The following CD80 variants were observed in gnomAD, a reference collection of about 807,000 sequenced individuals.
The protein encoded by CD80 is CD80 molecule.
Under a neutral mutation model 27.1 loss-of-function variants are expected in CD80, and 13 were observed. The ratio of observed to expected loss-of-function variants is 0.48; its 90% CI spans 0.31 to 0.76. The LOEUF (loss-of-function observed/expected upper bound fraction) is 0.76. CD80 is among the 30% of genes least tolerant of loss of function. The pLI, the probability that CD80 is intolerant of heterozygous loss-of-function variation, is 0.04. For synonymous variants in CD80, 125 were observed against 125.5 expected, an observed-to-expected ratio of 1.00 and a Z score of 0.03; for missense variants, 277 against 347.9, an observed-to-expected ratio of 0.80 and a Z score of 1.62.
At chr3:119,540,456 GT>G (rs2082161515) in intron 3 of CD80, among the ~76,000 whole-genome samples, 2 of 150,470 alleles carry the variant, frequency 1.3e-5, no homozygotes, top group Admixed American at 1.3e-4. Flanking sequence ...TTTTTTTTTT[GT>G]TTGTTTCAAT....
At chr3:119,550,463 A>T (rs542045963) in intron 2 of CD80, among the ~76,000 whole-genome samples, 16 of 152,358 alleles carry the variant, frequency 1.1e-4, no homozygotes, top group African/African-American at 3.8e-4. Context: ...AACAATTTGG[A>T]AATTCACACG....
At chr3:119,529,390 G>C (rs2107739345) in intron 5 of CD80, among the ~76,000 whole-genome samples, 1 of 152,250 alleles carries the variant, frequency 6.6e-6, no homozygotes, top group South Asian at 2.1e-4. Flanking sequence ...ATCAAAATTA[G>C]AATATCAGCA....
At chr3:119,553,117 T>G (rs1020347088) in intron 2 of CD80, among the ~76,000 whole-genome samples, 28 of 139,420 alleles carry the variant, frequency 2.0e-4, no homozygotes, top group African/African-American at 7.6e-4. Flanking sequence ...ATTTATTTAT[T>G]TATTTATTTA....
chr3:119,543,154 C>T (rs1348966527), intron 3 of CD80, among the ~76,000 whole-genome samples: 7 of 152,188 alleles, frequency 4.6e-5, no homozygotes, highest in Non-Finnish European at 5.9e-5. Context: ...GATAAAACTC[C>T]GGTCTCCCGC....
intron 2 of CD80, among the ~76,000 whole-genome samples, chr3:119,547,386 G>A (rs1033511070): frequency 3.9e-5 from 6 of 152,144 alleles, no homozygotes; most frequent in African/African-American, 1.2e-4. Flanking sequence ...TTTTGATTTC[G>A]TCTTTGGACA....
chr3:119,546,858 G>A (rs928739946), intron 2 of CD80, among the ~76,000 whole-genome samples: 16 of 147,974 alleles, frequency 1.1e-4, no homozygotes, highest in Admixed American at 3.4e-4. Context: ...ACATGTACAC[G>A]CATTCATTTA....
chr3:119,557,407 C>T (rs570725049), intron 2 of CD80, among the ~76,000 whole-genome samples: 1 of 152,228 alleles, frequency 6.6e-6, no homozygotes, highest in East Asian at 1.9e-4. Flanking sequence ...CCTTGAAGGC[C>T]TGGGTTCTTG....
At chr3:119,539,388 AG>A (rs2082155509) in intron 3 of CD80, among the ~76,000 whole-genome samples, 1 of 151,970 alleles carries the variant, frequency 6.6e-6, no homozygotes, top group Admixed American at 6.6e-5. Flanking sequence ...TATATTGTGC[AG>A]TTGCCAGACC....
Position 119,537,077 on chromosome 3 carries a change from CGACTATATT to C in CD80, c.700+51_700+59del, listed in dbSNP as rs1426799624. The C allele has an allele frequency of 2.8e-6, 4 of 1,413,382 alleles. No individual in the cohort carries two copies. In the African/African-American group the frequency reaches 5.7e-5, roughly 20 times the overall value. 87.6% of individuals were successfully genotyped at this position (1,413,382 alleles called of 1,614,324 possible). A position where few individuals can be genotyped will look rare whatever the true frequency, so the allele number is the denominator to read the frequency against. ...AATGTATCCACATCATTAAATGACACGACTATATTGTCTTTTTAGATTCGATATAGTAGA... is the reference window on the plus strand; with the variant it reads ...AATGTATCCACATCATTAAATGACACGTCTTTTTAGATTCGATATAGTAGA... On this transcript the variant is annotated intron_variant, in intron 4 of 6. Transcript: ENST00000264246.
At chr3:119,536,963 G>A (rs2082142683) in intron 4 of CD80, among the ~76,000 whole-genome samples, 174 bp downstream of exon 4, 1 of 152,188 alleles carries the variant, frequency 6.6e-6, no homozygotes, top group African/African-American at 2.4e-5. Context: ...ATGTAGCCTA[G>A]GTGTGCAGTA....
At chr3:119,544,015 G>T (rs1434953636) in intron 3 of CD80, among the ~76,000 whole-genome samples, 2 of 151,500 alleles carry the variant, frequency 1.3e-5, no homozygotes, top group Non-Finnish European at 2.9e-5. Context: ...AGCCTCCAGA[G>T]TAGCTGGGAT....
intron 3 of CD80, among the ~76,000 whole-genome samples, chr3:119,541,626 T>C (rs898507828): frequency 1.3e-5 from 2 of 152,216 alleles, no homozygotes; most frequent in African/African-American, 4.8e-5. Context: ...AGGTGCAGAA[T>C]CTCAGATCCA....
chr3:119,537,318 G>A lies in CD80; in HGVS notation c.519C>T (p.Leu173=). Residue 173 remains leucine, a synonymous_variant, in exon 4 of 7, where the codon CTC becomes CTT. Transcript: ENST00000264246. ...ATTCTTCTCCATTTTCCAACCAGGAGAGGTGAGGCTCTGGAAAACCTCCAG... is the reference window on the plus strand; with the variant it reads ...ATTCTTCTCCATTTTCCAACCAGGAAAGGTGAGGCTCTGGAAAACCTCCAG... ...STSGGFPEPH[L]SWLENGEELN... is the part of the protein sequence containing the mutation. The A allele has an allele frequency of 6.2e-7, 1 of 1,614,098 alleles. No homozygotes were observed. The highest frequency in any genetic ancestry group is 8.5e-7 in the Non-Finnish European group (1 of 1,179,956).
In CD80 at chr3:119,537,373, G is replaced by A. The variant is rs1560055061; in HGVS notation, c.464C>T (p.Ser155Phe). 4.3e-6 allele frequency: 7 copies of A among 1,613,058 alleles called. No individual in the cohort carries two copies. Among genetic ancestry groups the A allele is most frequent in the Non-Finnish European group, 5.9e-6 (7 of 1,179,034 alleles). The change falls in exon 4 of 7, where the codon TCT becomes TTT. Residue 155 changes from serine (S) to phenylalanine (F), a missense_variant. Physicochemically the swap from Ser to Phe is radical, Grantham distance 155. Coordinates refer to ENST00000264246, the MANE Select transcript of CD80 (RefSeq NM_005191.4). ...PSISDFEIPT[S>F]NIRRIICSTS... ...TGAGCAAATTATCCTTCTAATATTA[G>A]AAGTTGGAATTTCAAAGTCAGATAT...
Position 119,544,668 on chromosome 3 carries a change from GGAGAGGTTA to G in CD80, c.291_299del (p.Asn98_Ser100del), listed in dbSNP as rs1560056708. The G allele has an allele frequency of 6.2e-7, 1 of 1,614,140 alleles. No individual in the cohort carries two copies. The highest frequency in any genetic ancestry group is 1.1e-5 in the South Asian group (1 of 91,080). ...ATGGGCGCAGAGCCAGGATCACAATGGAGAGGTTATTAGTGATATCAAAGATGGTCCGGT... is the reference window on the plus strand; with the variant it reads ...ATGGGCGCAGAGCCAGGATCACAATGTTAGTGATATCAAAGATGGTCCGGT... On this transcript the variant is annotated inframe_deletion, in exon 3 of 7. Transcript: ENST00000264246.
chr3:119,545,994 AAAAACT>A (rs1315973644), intron 2 of CD80, among the ~76,000 whole-genome samples: 1 of 152,252 alleles, frequency 6.6e-6, no homozygotes, highest in African/African-American at 2.4e-5. Flanking sequence ...CACTATCTAG[AAAAACT>A]AAATGTGATT....
intron 4 of CD80, among the ~76,000 whole-genome samples, chr3:119,535,830 A>G (rs1560054658): frequency 1.3e-5 from 2 of 152,230 alleles, no homozygotes. Context: ...GAAAGCACCA[A>G]ATCCCTAAGG....
Position 119,544,652 on chromosome 3 carries a change from G to C in CD80, c.316C>G (p.Leu106Val). The change falls in exon 3 of 7, where the codon CTG (leucine) becomes GTG (valine). Residue 106 changes from leucine (L) to valine (V), a missense_variant. Physicochemically the swap from Leu to Val is conservative, Grantham distance 32 (BLOSUM62 1). Transcript: ENST00000264246. ...TNNLSIVILA[L>V]RPSDEGTYEC... is the part of the protein sequence containing the mutation. The stretch of plus-strand genomic sequence containing the variant: ...TATGTGCCCTCGTCAGATGGGCGCA[G>C]AGCCAGGATCACAATGGAGAGGTTA... 1 of 1,614,204 alleles carries C rather than the reference G, an allele frequency of 6.2e-7. No homozygotes were observed. The highest frequency in any genetic ancestry group is 1.1e-5 in the South Asian group (1 of 91,082).
At chr3:119,539,721 TGAATGTAGG>T (rs148194085) in intron 3 of CD80, among the ~76,000 whole-genome samples, 4,368 of 152,326 alleles carry the variant, frequency 0.029, 62 homozygotes, top group African/African-American at 0.035. Context: ...CTTCTTAGCA[TGAATGTAGG>T]GATTCAATCT....
Sources: gnomAD v4.1 joint callset for allele counts (sites outside exome capture counted in the v4.1 genomes callset) on GRCh38, gnomAD v4.1.1 for gene constraint, MANE v1.5 for transcripts, NCBI Gene and HGNC (gene_info 2026-07-23, HGNC 2026-07-21) for gene names.